PCDHA3: variants seen among roughly 807,000 people sequenced by gnomAD.
The protein encoded by PCDHA3 is protocadherin alpha 3.
Under a neutral mutation model 62.2 loss-of-function variants are expected in PCDHA3, and 41 were observed. The observed-to-expected ratio is 0.66, with a 90% confidence interval of 0.51 to 0.86. PCDHA3 has a LOEUF of 0.86. Ranked by LOEUF, PCDHA3 falls within the 40% of genes least tolerant of loss-of-function variation. PCDHA3 has a pLI of 0.00. For synonymous variants in PCDHA3, 640 were observed against 555.4 expected, an observed-to-expected ratio of 1.15 and a Z score of -2.14; for missense variants, 1,304 against 1,241.2, an observed-to-expected ratio of 1.05 and a Z score of -0.76.
At chr5:140,828,394 G>T in intron 1 of PCDHA3, 1 of 1,614,292 alleles carries the variant, frequency 6.2e-7, no homozygotes, top group Non-Finnish European at 8.5e-7. Flanking sequence ...GGAGCGCGGA[G>T]TGCAGCATCC....
intron 1 of PCDHA3, chr5:140,830,137 G>T: frequency 1.2e-6 from 2 of 1,613,292 alleles, no homozygotes; most frequent in East Asian, 2.2e-5. Context: ...CATCACGGGC[G>T]TCGGTGGGCG....
chr5:141,006,620 T>C (rs1237251555), intron 3 of PCDHA3, among the ~76,000 whole-genome samples: 3 of 152,148 alleles, frequency 2.0e-5, no homozygotes, highest in Admixed American at 6.5e-5. Context: ...ATAAGGAGAC[T>C]ATTGCTGCAA....
In PCDHA3 at chr5:140,835,884, G is replaced by A. The variant is rs2150247452; in HGVS notation, c.2394+32293G>A. 3.7e-6 allele frequency: 6 copies of A among 1,611,966 alleles called. 1 individual carries two copies. The highest frequency in any genetic ancestry group is 2.2e-5 in the East Asian group (1 of 44,824). ...CTCGCTGGTGGAGCTGCGGGTGGGCGAGCGCGCGCTGTCGAGCTACGTGTC... is the reference window on the plus strand; with the variant it reads ...CTCGCTGGTGGAGCTGCGGGTGGGCAAGCGCGCGCTGTCGAGCTACGTGTC... On this transcript the variant is annotated intron_variant, in intron 1 of 3. Coordinates refer to ENST00000522353, the MANE Select transcript of PCDHA3 (RefSeq NM_018906.3).
chr5:140,950,071 T>C (rs560042578), intron 1 of PCDHA3, among the ~76,000 whole-genome samples: 20 of 152,098 alleles, frequency 1.3e-4, no homozygotes, highest in African/African-American at 4.8e-4. Context: ...TCCTGTGCCA[T>C]TGCTTATGCT....
At chr5:140,902,400 C>T (rs2069421777) in intron 1 of PCDHA3, among the ~76,000 whole-genome samples, 1 of 151,930 alleles carries the variant, frequency 6.6e-6, no homozygotes, top group South Asian at 2.1e-4. Flanking sequence ...ATGTTGAATA[C>T]TATGTTGAAT....
chr5:140,927,209 A>G, intron 1 of PCDHA3: 2 of 1,614,092 alleles, frequency 1.2e-6, no homozygotes, highest in Non-Finnish European at 1.7e-6. Context: ...GACCCGCTGG[A>G]GCTGCACAAG....
chr5:140,992,465 C>G (rs1554252929), intron 3 of PCDHA3, among the ~76,000 whole-genome samples: 2 of 152,162 alleles, frequency 1.3e-5, no homozygotes. Flanking sequence ...GGACAGTACT[C>G]TTTAGATCAC....
intron 1 of PCDHA3, among the ~76,000 whole-genome samples, chr5:140,970,479 G>A (rs782054417): frequency 1.3e-4 from 20 of 152,160 alleles, no homozygotes; most frequent in Admixed American, 8.5e-4. Context: ...AGGCCAGCTT[G>A]TTCATTATTA....
chr5:140,895,763 T>C (rs1291731285), intron 1 of PCDHA3, among the ~76,000 whole-genome samples: 2 of 152,170 alleles, frequency 1.3e-5, no homozygotes, highest in East Asian at 1.9e-4. Context: ...TTTTCTTTCT[T>C]TATGGCTGCA....
At position 140,809,114 on chromosome 5, in the gene PCDHA3, C is replaced by T. The variant is rs782409819; in HGVS notation, c.2394+5523C>T. 1.7e-5 allele frequency: 28 copies of T among 1,613,844 alleles called. 1 individual carries two copies. Among genetic ancestry groups the T allele is most frequent in the South Asian group, 7.7e-5 (7 of 91,090 alleles). On this transcript the variant is annotated intron_variant, in intron 1 of 3. Transcript: ENST00000522353. ...GCGTGCCCTGGACGAAACGGACGCT[C>T]CGCGCCACCGCCTACTGGTACTGGT...
chr5:140,850,957 C>T (rs2150503952), intron 1 of PCDHA3: 2 of 1,481,512 alleles, frequency 1.3e-6, no homozygotes, highest in Non-Finnish European at 9.0e-7. Context: ...CGATTACTCC[C>T]AGGGGCCGTT....
intron 1 of PCDHA3, among the ~76,000 whole-genome samples, chr5:140,833,892 C>A (rs1772707786): frequency 1.3e-5 from 2 of 152,052 alleles, no homozygotes; most frequent in Non-Finnish European, 2.9e-5. Context: ...GGATCTAGAT[C>A]AAAGGAATTT....
chr5:140,912,918 G>A (rs1302662045), intron 1 of PCDHA3, among the ~76,000 whole-genome samples: 16 of 152,284 alleles, frequency 1.1e-4, no homozygotes, highest in Middle Eastern at 3.4e-3. Flanking sequence ...ATTGATTTGT[G>A]TATGTTGAAT....
intron 1 of PCDHA3, chr5:140,841,651 G>A (rs2150320143): frequency 2.0e-5 from 32 of 1,614,034 alleles, no homozygotes; most frequent in Middle Eastern, 1.6e-4. Flanking sequence ...AGGTGATCGT[G>A]GACAGGCCGC....
intron 2 of PCDHA3, among the ~76,000 whole-genome samples, chr5:140,980,645 G>A (rs1322302727): frequency 6.7e-6 from 1 of 149,206 alleles, no homozygotes; most frequent in African/African-American, 2.5e-5. Flanking sequence ...ATAAATAAAT[G>A]AATAAAATAA....
Position 140,986,801 on chromosome 5 carries a change from T to C in PCDHA3, c.2542+4238T>C, listed in dbSNP as rs1381514203. ...CGGAAGCCACTAAGGCAGTGAGTCT[T>C]AGTTAGAGAACTTTGGTTTAGACAA... On this transcript the variant is annotated intron_variant, in intron 3 of 3. Coordinates refer to ENST00000522353, the MANE Select transcript of PCDHA3 (RefSeq NM_018906.3). 2.0e-5 allele frequency among the ~76,000 whole-genome samples: 3 copies of C among 152,144 alleles called. No homozygotes were observed. The East Asian group carries it at 5.8e-4, about 29-fold the overall frequency.
intron 1 of PCDHA3, among the ~76,000 whole-genome samples, chr5:140,806,486 G>C (rs555206521): frequency 6.6e-6 from 1 of 152,144 alleles, no homozygotes; most frequent in Non-Finnish European, 1.5e-5. Context: ...TTTCAGCCCT[G>C]ACATGACTCA....
intron 1 of PCDHA3, among the ~76,000 whole-genome samples, chr5:140,897,315 T>C (rs980857290): frequency 6.8e-6 from 1 of 147,686 alleles, no homozygotes; most frequent in Non-Finnish European, 1.5e-5. Context: ...GTATATCTCC[T>C]AAAGCTATCC....
chr5:140,985,739 C>CTTTT (rs11372071), intron 3 of PCDHA3, among the ~76,000 whole-genome samples: 9 of 117,918 alleles, frequency 7.6e-5, no homozygotes, highest in East Asian at 2.5e-4. Flanking sequence ...TGATGAATTC[C>CTTTT]TTTTTTTTTT....
Sources: allele counts gnomAD v4.1 joint callset (sites outside exome capture counted in the v4.1 genomes callset), GRCh38; gene constraint gnomAD v4.1.1; transcripts MANE v1.5; gene names NCBI Gene and HGNC (gene_info 2026-07-23, HGNC 2026-07-21).